JARID2: variants seen among roughly 807,000 people sequenced by gnomAD.
JARID2 encodes the protein jumonji and AT-rich interaction domain containing 2, also known as protein Jumonji.
JARID2 carries 21 observed loss-of-function variants against 125.6 expected under a neutral mutation model. The observed-to-expected ratio is 0.17, with a 90% CI of 0.12 to 0.24. The LOEUF (loss-of-function observed/expected upper bound fraction) is 0.24, where lower values mean the gene tolerates loss of function less well. Among genes scored for constraint, JARID2 ranks in the 10% least tolerant of loss-of-function variants. The pLI is 1.00. For synonymous variants in JARID2, 736 were observed against 661.6 expected (o/e 1.11, Z -1.73); for missense variants, 1,303 against 1,639.6 (o/e 0.79, Z 3.55).
intron 16 of JARID2, among the ~76,000 whole-genome samples, chr6:15,515,055 T>TG (rs1339804852): frequency 7.2e-5 from 11 of 151,980 alleles, no homozygotes; most frequent in Non-Finnish European, 1.2e-4. Flanking sequence ...TTCTTTTTTT[T>TG]TTTTGTTTGT....
intron 1 of JARID2, among the ~76,000 whole-genome samples, chr6:15,330,267 TA>T (rs1172265616): frequency 6.6e-5 from 10 of 152,324 alleles, no homozygotes; most frequent in African/African-American, 2.4e-4. Context: ...TTGTTTTAAT[TA>T]TTTTCTACTT....
rs745715868 is a variant in JARID2, at chr6:15,501,362, G to C, written c.2401G>C (p.Glu801Gln). The C allele has an allele frequency of 6.3e-7, 1 of 1,588,582 alleles. No individual in the cohort carries two copies. Among genetic ancestry groups the C allele is most frequent in the East Asian group, 2.2e-5 (1 of 44,492 alleles). The change falls in exon 8 of 18, where the codon GAG becomes CAG. Residue 801 changes from glutamate (E) to glutamine (Q), a missense_variant. By Grantham distance (29) the Glu-to-Gln change is conservative. Transcript: ENST00000341776. Reference protein sequence around the residue: ...AQEKEVVKEEEEDKGVLNDFH... With the variant: ...AQEKEVVKEEQEDKGVLNDFH... The stretch of plus-strand genomic sequence containing the variant: ...GGAAAAAGAAGTGGTCAAGGAAGAG[G>C]AGGAGGACAAAGGCGTCCTCAATGA...
chr6:15,261,493 T>C (rs72834541), intron 1 of JARID2, among the ~76,000 whole-genome samples: 40,617 of 151,206 alleles, frequency 0.27, 5,633 homozygotes, highest in South Asian at 0.45. Context: ...AAATTTTGTG[T>C]TTTTTGTAGA....
At chr6:15,274,764 G>C (rs1289013810) in intron 1 of JARID2, among the ~76,000 whole-genome samples, 1 of 152,126 alleles carries the variant, frequency 6.6e-6, no homozygotes, top group Non-Finnish European at 1.5e-5. Flanking sequence ...CTGGGAAGGA[G>C]ACTTTAGAGG....
chr6:15,412,002 T>A (rs1318895567), intron 3 of JARID2, among the ~76,000 whole-genome samples: 4 of 152,252 alleles, frequency 2.6e-5, no homozygotes, highest in African/African-American at 9.6e-5. Context: ...ATGTGGCACC[T>A]GAGTGCAAAG....
chr6:15,456,097 G>C (rs1768163973), intron 4 of JARID2, among the ~76,000 whole-genome samples: 1 of 152,236 alleles, frequency 6.6e-6, no homozygotes, highest in Non-Finnish European at 1.5e-5. Context: ...AAACCCATCA[G>C]GGAATGTCTC....
chr6:15,514,302 CAG>C (rs1254909266), intron 16 of JARID2, among the ~76,000 whole-genome samples: 2 of 152,250 alleles, frequency 1.3e-5, no homozygotes, highest in Admixed American at 6.5e-5. Flanking sequence ...TAGCCTGGAA[CAG>C]AGAGCATGCC....
At chr6:15,248,403 G>T (rs1225101375) in intron 1 of JARID2, 2 of 138,986 alleles carry the variant, frequency 1.4e-5, no homozygotes, top group Non-Finnish European at 3.2e-5. Context: ...CGGCCTGCGG[G>T]GCGCGGGGAG....
At chr6:15,367,755 T>C (rs1390358632) in intron 1 of JARID2, among the ~76,000 whole-genome samples, 2 of 152,206 alleles carry the variant, frequency 1.3e-5, no homozygotes, top group African/African-American at 2.4e-5. Context: ...AGAGAAATCA[T>C]GATTATTAAA....
intron 1 of JARID2, among the ~76,000 whole-genome samples, chr6:15,289,312 G>A (rs901682985): frequency 6.6e-6 from 1 of 152,180 alleles, no homozygotes; most frequent in African/African-American, 2.4e-5. Flanking sequence ...CAGTAGTCTG[G>A]TGTCCTTCTT....
At position 15,496,405 on chromosome 6, in the gene JARID2, G is replaced by T. The variant is rs768784464; in HGVS notation, c.1180G>T (p.Gly394Trp). 1 of 1,613,710 alleles carries T rather than the reference G, an allele frequency of 6.2e-7. No individual in the cohort carries two copies. The highest frequency in any genetic ancestry group is 8.5e-7 in the Non-Finnish European group (1 of 1,179,872). Residue 394 changes from glycine (G) to tryptophan (W), a missense_variant, in exon 7 of 18, where the codon GGG becomes TGG. By Grantham distance (184) the Gly-to-Trp change is radical. Around this residue, in one of 11 missense-constraint regions of JARID2, gnomAD observed 651 missense variants for 581.6 expected, o/e 1.12. Coordinates refer to ENST00000341776, the MANE Select transcript of JARID2 (RefSeq NM_004973.4). ...AKTRKQVLSL[G>W]GASKSTGPAV... The stretch of plus-strand genomic sequence containing the variant: ...AACCCGCAAACAGGTGCTATCCCTC[G>T]GGGGGGCGTCCAAGTCCACTGGGCC...
At chr6:15,299,810 A>C (rs1761540434) in intron 1 of JARID2, among the ~76,000 whole-genome samples, 1 of 152,030 alleles carries the variant, frequency 6.6e-6, no homozygotes, top group Non-Finnish European at 1.5e-5. Flanking sequence ...AAGAGATAAG[A>C]TATTTAGCAG....
chr6:15,464,916 C>T (rs1459435317), intron 4 of JARID2, among the ~76,000 whole-genome samples: 1 of 152,092 alleles, frequency 6.6e-6, no homozygotes, highest in Non-Finnish European at 1.5e-5. Context: ...TCTTTCTTAC[C>T]TCTGACTTCA....
intron 1 of JARID2, among the ~76,000 whole-genome samples, chr6:15,286,408 C>G (rs938834128): frequency 3.3e-5 from 5 of 151,700 alleles, no homozygotes; most frequent in African/African-American, 1.2e-4. Context: ...CCCACCACCA[C>G]ACCCGGCTAA....
intron 1 of JARID2, among the ~76,000 whole-genome samples, chr6:15,337,050 T>TAAAC (rs1211501535): frequency 3.9e-5 from 6 of 152,062 alleles, no homozygotes. Context: ...CCTCGCAGGG[T>TAAAC]GAGTGTAAAC....
intron 1 of JARID2, among the ~76,000 whole-genome samples, chr6:15,258,650 C>T (rs1369463120): frequency 1.3e-5 from 2 of 152,074 alleles, no homozygotes; most frequent in Non-Finnish European, 2.9e-5. Flanking sequence ...GGTGTGGTGG[C>T]AAGCGCCTGT....
intron 8 of JARID2, among the ~76,000 whole-genome samples, chr6:15,501,677 T>C (rs1327169575): frequency 6.6e-6 from 1 of 152,108 alleles, no homozygotes; most frequent in African/African-American, 2.4e-5. Flanking sequence ...AGTGAGGGCC[T>C]TGTGGGTGCG....
intron 3 of JARID2, among the ~76,000 whole-genome samples, chr6:15,420,223 T>G (rs1766421409): frequency 6.6e-6 from 1 of 152,216 alleles, no homozygotes; most frequent in South Asian, 2.1e-4. Flanking sequence ...GCCAACATGG[T>G]GAAACCCTGT....
At position 15,347,504 on chromosome 6, in the gene JARID2, A is replaced by G. The variant is rs79919122; in HGVS notation, c.46-26613A>G. On this transcript the variant is annotated intron_variant, in intron 1 of 17. Coordinates refer to ENST00000341776, the MANE Select transcript of JARID2 (RefSeq NM_004973.4). Reference sequence around the variant, plus strand: ...CGTGGTTGGTGAGCATTTGAGAAAAATATTTTATTTTCCATGATATGTGTT... The same window carrying G: ...CGTGGTTGGTGAGCATTTGAGAAAAGTATTTTATTTTCCATGATATGTGTT... 1.4e-3 allele frequency among the ~76,000 whole-genome samples: 208 copies of G among 152,254 alleles called. 1 individual carries two copies. The highest frequency in any genetic ancestry group is 6.8e-3 in the Middle Eastern group (2 of 294).
Sources: gnomAD v4.1 joint callset for allele counts (sites outside exome capture counted in the v4.1 genomes callset) on GRCh38, gnomAD v4.1.1 for gene constraint, gnomAD v4.1.1 regional missense constraint, MANE v1.5 for transcripts, NCBI Gene and HGNC (gene_info 2026-07-23, HGNC 2026-07-21) for gene names.